Variants in CPS1 observed in about 807,000 individuals in gnomAD.
CPS1 encodes carbamoyl-phosphate synthase [ammonia], mitochondrial.
In CPS1, 109 loss-of-function variants were observed where a neutral mutation model predicts 174.6. The ratio of observed to expected loss-of-function variants is 0.62; its 90% CI spans 0.53 to 0.73. CPS1 has a LOEUF of 0.73. CPS1 is among the 30% of genes least tolerant of loss of function. The probability of loss-of-function intolerance (pLI) is 0.00; values close to 1 mark genes in which losing one functional copy is unlikely to be tolerated. For synonymous variants in CPS1, 637 were observed against 632.0 expected, an observed-to-expected ratio of 1.01 and a Z score of -0.12; for missense variants, 1,689 against 1,821.9, an observed-to-expected ratio of 0.93 and a Z score of 1.33.
At chr2:210,660,426 A>G (rs1574654003) in intron 31 of CPS1, 59 bp from the exon 32 acceptor site, 3 of 1,505,526 alleles carry the variant, frequency 2.0e-6, no homozygotes, top group Non-Finnish European at 9.2e-7. Context: ...AGAGAATATT[A>G]ATATTGTTGT....
Position 210,665,046 on chromosome 2 carries a change from A to G in CPS1, c.4002+1849A>G, listed in dbSNP as rs556547167. On this transcript the variant is annotated intron_variant, in intron 33 of 37. Coordinates refer to ENST00000233072, the MANE Select transcript of CPS1 (RefSeq NM_001875.5). ...TAACTACTTTCTATGGTTCTGTAGA[A>G]AATTTTTAAAACCTCGTCTGTGTTG... Among the ~76,000 whole-genome samples, 3 of 152,334 alleles carry G rather than the reference A, an allele frequency of 2.0e-5. No homozygotes were observed. The South Asian group carries it at 6.2e-4, about 32-fold the overall frequency.
At chr2:210,547,296 A>G (rs1253080679) in intron 1 of CPS1, among the ~76,000 whole-genome samples, 3 of 152,158 alleles carry the variant, frequency 2.0e-5, no homozygotes, top group African/African-American at 7.2e-5. Flanking sequence ...TTTCATTGAA[A>G]TTAATTCTGG....
chr2:210,676,733 A>G (rs957054452), intron 36 of CPS1, among the ~76,000 whole-genome samples: 3 of 152,184 alleles, frequency 2.0e-5, no homozygotes, highest in African/African-American at 7.2e-5. Flanking sequence ...AGTATCTATC[A>G]AATTACCAAT....
chr2:210,547,722 A>C (rs1696601046), intron 1 of CPS1, among the ~76,000 whole-genome samples: 1 of 152,062 alleles, frequency 6.6e-6, no homozygotes, highest in South Asian at 2.1e-4. Context: ...GTTTAATAAA[A>C]TGTCTTTTAC....
intron 28 of CPS1, among the ~76,000 whole-genome samples, chr2:210,653,647 C>A (rs573863133): frequency 6.6e-6 from 1 of 152,210 alleles, no homozygotes; most frequent in South Asian, 2.1e-4. Context: ...AAGAAATATT[C>A]TGAACCAATA....
intron 24 of CPS1, among the ~76,000 whole-genome samples, chr2:210,641,938 A>C (rs752471385): frequency 6.6e-6 from 1 of 152,178 alleles, no homozygotes; most frequent in Non-Finnish European, 1.5e-5. Flanking sequence ...CTCACTCTGC[A>C]TGGGTGGCCT....
intron 1 of CPS1, among the ~76,000 whole-genome samples, chr2:210,535,359 C>G (rs2247708): frequency 0.47 from 70,882 of 151,946 alleles, 17,248 homozygotes; most frequent in African/African-American, 0.59. Context: ...TCTCTTACCC[C>G]GTTCCCCTCC....
In CPS1 at chr2:210,642,017, C is replaced by T. The variant is rs990338217; in HGVS notation, c.2960-467C>T. ...AATCAATCAGGATATGTCAGAGCTG[C>T]AAGGCACCTCAGGGATCATTAGGTT... On this transcript the variant is annotated intron_variant, in intron 24 of 37. Transcript: ENST00000233072. Among the ~76,000 whole-genome samples, 31 of 152,166 alleles carry T rather than the reference C, an allele frequency of 2.0e-4. 1 individual carries two copies. Among genetic ancestry groups the T allele is most frequent in the Admixed American group, 1.8e-3 (27 of 15,280 alleles).
At chr2:210,567,118 TCTAC>T (rs1697329029) in intron 1 of CPS1, among the ~76,000 whole-genome samples, 2 of 152,158 alleles carry the variant, frequency 1.3e-5, no homozygotes, top group Non-Finnish European at 2.9e-5. Flanking sequence ...GACAGGTCAA[TCTAC>T]GTCTACCAGA....
chr2:210,551,776 A>G (rs990801975), upstream of CPS1, among the ~76,000 whole-genome samples: 1 of 151,982 alleles, frequency 6.6e-6, no homozygotes, highest in Non-Finnish European at 1.5e-5. Flanking sequence ...TTGGATCTTA[A>G]TGAATAGGTT....
At chr2:210,637,985 T>G in intron 22 of CPS1, 142 bp downstream of exon 22, 1 of 927,134 alleles carries the variant, frequency 1.1e-6, no homozygotes, top group Non-Finnish European at 1.7e-6. Context: ...ATGCTCATAA[T>G]GTCACCAATT....
At chr2:210,607,104 A>G (rs1238545713) in intron 18 of CPS1, among the ~76,000 whole-genome samples, 163 bp downstream of exon 18, 1 of 151,932 alleles carries the variant, frequency 6.6e-6, no homozygotes, top group Non-Finnish European at 1.5e-5. Flanking sequence ...ATTATTAATG[A>G]GCTTGTTGCC....
At chr2:210,657,569 A>T (rs1700757914) in intron 30 of CPS1, 1 of 152,590 alleles carries the variant, frequency 6.6e-6, no homozygotes, top group Non-Finnish European at 1.5e-5. Flanking sequence ...CGGCCTCCCA[A>T]AGTGCTGGGA....
At chr2:210,512,734 TTTTATATATA>T (rs1695531792) in intron 1 of CPS1, among the ~76,000 whole-genome samples, 2 of 68,230 alleles carry the variant, frequency 2.9e-5, no homozygotes, top group African/African-American at 9.6e-5. Flanking sequence ...CCTCCAGTAG[TTTTATATATA>T]TATATATATA....
intron 25 of CPS1, 102 bp from the exon 26 acceptor site, chr2:210,647,760 TC>T: frequency 7.3e-7 from 1 of 1,364,482 alleles, no homozygotes; most frequent in Non-Finnish European, 1.0e-6. Flanking sequence ...AATATCACAG[TC>T]AGGTTAAGAA....
At chr2:210,564,826 C>T (rs1697247523) in intron 1 of CPS1, among the ~76,000 whole-genome samples, 1 of 151,914 alleles carries the variant, frequency 6.6e-6, no homozygotes, top group South Asian at 2.1e-4. Flanking sequence ...AACCCCATCT[C>T]TACTAAAAAT....
At chr2:210,505,183 T>G (rs1457170727) in intron 1 of CPS1, among the ~76,000 whole-genome samples, 1 of 151,900 alleles carries the variant, frequency 6.6e-6, no homozygotes, top group East Asian at 2.0e-4. Context: ...AGAAAGCACC[T>G]AGAAGGAAGA....
intron 21 of CPS1, chr2:210,617,901 A>G (rs971183117): frequency 6.6e-6 from 1 of 152,040 alleles, no homozygotes; most frequent in Non-Finnish European, 1.5e-5. Flanking sequence ...TCAAATGCCT[A>G]TGAAACCACT....
chr2:210,678,666 C>T lies in CPS1; in HGVS notation c.*681C>T, dbSNP rs1701610539. On this transcript the variant is annotated 3_prime_UTR_variant, in exon 38 of 38. Coordinates refer to ENST00000233072, the MANE Select transcript of CPS1 (RefSeq NM_001875.5). Reference sequence around the variant, plus strand: ...GGAGTGCAGTGGCACAATCTCGGCTCACTGCAATTTCCGTCTCCCAAGTTC... The same window carrying T: ...GGAGTGCAGTGGCACAATCTCGGCTTACTGCAATTTCCGTCTCCCAAGTTC... 6.5e-6 allele frequency: 1 copy of T among 153,112 alleles called. No individual in the cohort carries two copies. The allele number at this position is 153,112 out of a possible 1,614,324, so 9.5% of individuals were successfully genotyped here.
Sources: gnomAD v4.1 joint callset for allele counts (sites outside exome capture counted in the v4.1 genomes callset) on GRCh38, gnomAD v4.1.1 for gene constraint, MANE v1.5 for transcripts, NCBI Gene and HGNC (gene_info 2026-07-23, HGNC 2026-07-21) for gene names.